Variants in IL1F10 observed in about 807,000 individuals in gnomAD.
IL1F10 encodes the protein interleukin-1 family member 10.
IL1F10 carries 13 observed loss-of-function variants against 13.1 expected under a neutral mutation model. That is an observed-to-expected ratio of 0.99 (90% CI 0.64 to 1.57). The LOEUF is 1.57. Among genes scored for constraint, IL1F10 ranks in the 40% most tolerant of loss-of-function variants. The pLI is 0.00. For synonymous variants in IL1F10, 78 were observed against 68.2 expected (o/e 1.14, Z -0.71); for missense variants, 191 against 184.1 (o/e 1.04, Z -0.22).
intron 1 of IL1F10, among the ~76,000 whole-genome samples, chr2:113,069,252 G>A (rs1032876310): frequency 4.6e-5 from 7 of 152,286 alleles, no homozygotes; most frequent in East Asian, 1.9e-4. Flanking sequence ...GTGCCAGACG[G>A]TGACAAAACA....
At position 113,074,383 on chromosome 2, in the gene IL1F10, G is replaced by T. The variant is rs1685896574; in HGVS notation, c.87G>T (p.Val29=). 1 of 1,613,846 alleles carries T rather than the reference G, an allele frequency of 6.2e-7. No individual in the cohort carries two copies. The highest frequency in any genetic ancestry group is 8.5e-7 in the Non-Finnish European group (1 of 1,179,786). Residue 29 remains valine (V), a synonymous_variant, in exon 3 of 5, where the codon GTG becomes GTT. Transcript: ENST00000341010. ...ACACAAGAGATGGCCAGCTGCTGGT[G>T]GGAGATCCTGTTGCAGACAACTGCT... ...ALYTRDGQLL[V]GDPVADNCCA... is the part of the protein sequence containing the mutation.
intron 2 of IL1F10, among the ~76,000 whole-genome samples, chr2:113,073,342 T>C (rs570339662): frequency 6.6e-6 from 1 of 152,330 alleles, no homozygotes; most frequent in South Asian, 2.1e-4. Context: ...CAAAGAGGAC[T>C]CTGGGATGCA....
intron 4 of IL1F10, 58 bp from the exon 5 acceptor site, chr2:113,075,094 C>G: frequency 1.3e-6 from 2 of 1,491,472 alleles, no homozygotes; most frequent in South Asian, 2.5e-5. Context: ...CAGAGGCCTC[C>G]AGGGCTAACA....
At chr2:113,073,985 G>A (rs1389849675) in intron 2 of IL1F10, among the ~76,000 whole-genome samples, 2 of 152,192 alleles carry the variant, frequency 1.3e-5, no homozygotes, top group East Asian at 3.8e-4. Context: ...GTATCCCAAA[G>A]TCATCTGAGC....
Position 113,072,708 on chromosome 2 carries a change from C to T in IL1F10, c.-28-3C>T. 1.2e-6 allele frequency: 2 copies of T among 1,600,938 alleles called. No homozygotes were observed. Among genetic ancestry groups the T allele is most frequent in the Non-Finnish European group, 8.6e-7 (1 of 1,169,158 alleles). ...CTAACTGCCCTTCTCTCCTCCCCAT[C>T]AGTGAGGACCAGACACCACTGATTG... On this transcript the variant is annotated splice_polypyrimidine_tract_variant and splice_region_variant and intron_variant, in intron 1 of 4. Transcript: ENST00000341010.
intron 1 of IL1F10, among the ~76,000 whole-genome samples, chr2:113,069,552 TG>T (rs1424895738): frequency 6.6e-6 from 1 of 152,122 alleles, no homozygotes; most frequent in Non-Finnish European, 1.5e-5. Context: ...GAAATGAAAT[TG>T]GGAGGAATGT....
At chr2:113,073,990 CT>C (rs1425359116) in intron 2 of IL1F10, among the ~76,000 whole-genome samples, 1 of 152,242 alleles carries the variant, frequency 6.6e-6, no homozygotes, top group Non-Finnish European at 1.5e-5. Flanking sequence ...CCAAAGTCAT[CT>C]GAGCCTCACT....
At chr2:113,073,675 T>A (rs931253763) in intron 2 of IL1F10, among the ~76,000 whole-genome samples, 5 of 152,156 alleles carry the variant, frequency 3.3e-5, no homozygotes, top group Non-Finnish European at 7.3e-5. Context: ...ATATGTACAG[T>A]CATTAGCTAA....
chr2:113,074,301 G>A (rs1247232440), intron 2 of IL1F10, 28 bp from the exon 3 acceptor site: 1 of 1,433,560 alleles, frequency 7.0e-7, no homozygotes, highest in Non-Finnish European at 9.8e-7. Flanking sequence ...AAAGGGAATG[G>A]GCCATCAGCA....
At chr2:113,069,498 A>G (rs776257175) in intron 1 of IL1F10, among the ~76,000 whole-genome samples, 2 of 152,254 alleles carry the variant, frequency 1.3e-5, no homozygotes, top group African/African-American at 2.4e-5. Context: ...AATGAGTCTC[A>G]GGTTTTGAAT....
intron 2 of IL1F10, among the ~76,000 whole-genome samples, chr2:113,073,253 T>C (rs1685870927): frequency 6.6e-6 from 1 of 152,242 alleles, no homozygotes; most frequent in South Asian, 2.1e-4. Context: ...ATTTGCATCC[T>C]TCCTTATCTT....
At chr2:113,073,829 T>C (rs1332438209) in intron 2 of IL1F10, among the ~76,000 whole-genome samples, 2 of 152,200 alleles carry the variant, frequency 1.3e-5, no homozygotes, top group Non-Finnish European at 2.9e-5. Context: ...ACTAGGTGAC[T>C]GAGCTAATAC....
At chr2:113,070,755 G>A (rs1448699624) in intron 1 of IL1F10, among the ~76,000 whole-genome samples, 2 of 152,168 alleles carry the variant, frequency 1.3e-5, no homozygotes, top group African/African-American at 2.4e-5. Context: ...TACAGTCTCA[G>A]GCCCCACCCC....
Position 113,075,281 on chromosome 2 carries a change from G to A in IL1F10, c.376G>A (p.Ala126Thr). 6.2e-7 allele frequency: 1 copy of A among 1,612,192 alleles called. No individual in the cohort carries two copies. The highest frequency in any genetic ancestry group is 8.5e-7 in the Non-Finnish European group (1 of 1,178,534). The change falls in exon 5 of 5, where the codon GCA (alanine) becomes ACA (threonine). Residue 126 changes from alanine (A) to threonine (T), a missense_variant. By Grantham distance (58) the Ala-to-Thr change is moderately conservative. Transcript: ENST00000341010. Reference sequence around the variant, plus strand: ...GCCTGGCTGGTTCCTGTGTGGCCCGGCAGAGCCCCAGCAGCCAGTACAGCT... The same window carrying A: ...GCCTGGCTGGTTCCTGTGTGGCCCGACAGAGCCCCAGCAGCCAGTACAGCT... ...AWPGWFLCGPAEPQQPVQLTK... is the reference protein window; with the variant it reads ...AWPGWFLCGPTEPQQPVQLTK...
rs3811050 is a variant in IL1F10 at position 113,072,596 on chromosome 2, C to A, written c.-28-115C>A. Reference sequence around the variant, plus strand: ...TGGATTCTGGCAGGCCAATTATAGACGAATGGCCTGGGGAACCCGTGCAGC... The same window carrying A: ...TGGATTCTGGCAGGCCAATTATAGAAGAATGGCCTGGGGAACCCGTGCAGC... On this transcript the variant is annotated intron_variant, in intron 1 of 4. Coordinates refer to ENST00000341010, the MANE Select transcript of IL1F10 (RefSeq NM_173161.3). 6 of 662,946 alleles carry A rather than the reference C, an allele frequency of 9.1e-6. No individual in the cohort carries two copies. In the Admixed American group the frequency reaches 1.6e-4, roughly 18 times the overall value. 41.1% of individuals were successfully genotyped at this position (662,946 alleles called of 1,614,324 possible).
At chr2:113,074,501 C>A (rs1189774560) in intron 3 of IL1F10, 87 bp downstream of exon 3, 10 of 1,162,830 alleles carry the variant, frequency 8.6e-6, no homozygotes, top group Admixed American at 1.7e-5. Flanking sequence ...AGAGGGTCAG[C>A]AGCTGCCCCC....
At chr2:113,073,630 A>G (rs1233453437) in intron 2 of IL1F10, among the ~76,000 whole-genome samples, 1 of 152,166 alleles carries the variant, frequency 6.6e-6, no homozygotes. Flanking sequence ...TCTTTCCGGA[A>G]GTTTATTTTT....
intron 1 of IL1F10, among the ~76,000 whole-genome samples, chr2:113,070,063 G>C (rs1050130246): frequency 6.6e-6 from 1 of 152,208 alleles, no homozygotes; most frequent in Admixed American, 6.5e-5. Flanking sequence ...CAGGACAGGT[G>C]AATTGCGGAG....
Position 113,071,025 on chromosome 2 carries a change from A to T in IL1F10, c.-28-1686A>T, listed in dbSNP as rs28928284. Among the ~76,000 whole-genome samples, 479 of 152,340 alleles carry T rather than the reference A, an allele frequency of 3.1e-3. 3 individuals carry two copies. Among genetic ancestry groups the T allele is most frequent in the African/African-American group, 0.011 (450 of 41,574 alleles). On this transcript the variant is annotated intron_variant, in intron 1 of 4. Coordinates refer to ENST00000341010, the MANE Select transcript of IL1F10 (RefSeq NM_173161.3). Reference sequence around the variant, plus strand: ...TGAACACTTCATTTAAAAAATGTTGAAACTTACTTGATACTACAAAGGAAA... The same window carrying T: ...TGAACACTTCATTTAAAAAATGTTGTAACTTACTTGATACTACAAAGGAAA...
Sources: gnomAD v4.1 joint callset for allele counts (sites outside exome capture counted in the v4.1 genomes callset) on GRCh38, gnomAD v4.1.1 for gene constraint, MANE v1.5 for transcripts, NCBI Gene and HGNC (gene_info 2026-07-23, HGNC 2026-07-21) for gene names.